The following USP12 variants were observed in gnomAD, a reference collection of about 807,000 sequenced individuals.
USP12 encodes the protein ubiquitin specific peptidase 12.
USP12 carries 19 observed loss-of-function variants against 45.5 expected under a neutral mutation model. The observed-to-expected ratio is 0.42, with a 90% CI of 0.29 to 0.61. The LOEUF (loss-of-function observed/expected upper bound fraction) is 0.61, where lower values mean the gene tolerates loss of function less well. USP12 is among the 20% of genes least tolerant of loss of function. The probability of loss-of-function intolerance (pLI) is 0.22; values close to 1 mark genes in which losing one functional copy is unlikely to be tolerated. For missense variants in USP12, 242 were observed against 447.7 expected, an observed-to-expected ratio of 0.54 and a Z score of 4.15; for synonymous variants, 149 against 148.8, an observed-to-expected ratio of 1.00 and a Z score of -0.01.
intron 1 of USP12, among the ~76,000 whole-genome samples, chr13:27,124,389 C>T (rs1876132140): frequency 6.6e-6 from 1 of 152,162 alleles, no homozygotes; most frequent in Non-Finnish European, 1.5e-5. Context: ...GAGAACAATA[C>T]ACCTTACCAA....
Position 27,129,687 on chromosome 13 carries a change from TTAA to T in USP12, c.49-13094_49-13092del, listed in dbSNP as rs920656340. Among the ~76,000 whole-genome samples the T allele has an allele frequency of 5.9e-5, 9 of 152,142 alleles. No homozygotes were observed. Among genetic ancestry groups the T allele is most frequent in the African/African-American group, 1.7e-4 (7 of 41,418 alleles). On this transcript the variant is annotated intron_variant, in intron 1 of 8. Coordinates refer to ENST00000282344, the MANE Select transcript of USP12 (RefSeq NM_182488.4). The surrounding 1 kb of genome is among the most constrained non-coding windows in gnomAD (Gnocchi z 4.0). Reference sequence around the variant, plus strand: ...GGGCGACAGAGTGAGACCCTATCTCTTAATAATAATAATAGCAAATAAAAATAA... The same window carrying T: ...GGGCGACAGAGTGAGACCCTATCTCTTAATAATAATAGCAAATAAAAATAA...
At chr13:27,081,009 A>ATTTTTTTTTTTTTTTTTTTTTTTTTTTTT (rs372527345) in intron 6 of USP12, among the ~76,000 whole-genome samples, 1 of 114,622 alleles carries the variant, frequency 8.7e-6, no homozygotes. Flanking sequence ...GGCTGAGGCA[A>ATTTTTTTTTTTTTTTTTTTTTTTTTTTTT]TTTTTTTTTT....
chr13:27,116,081 G>A (rs1025354859), intron 2 of USP12, among the ~76,000 whole-genome samples: 9 of 152,086 alleles, frequency 5.9e-5, no homozygotes, highest in African/African-American at 2.2e-4. Context: ...AGGAGGCTGA[G>A]GTTGGCGGAT....
At chr13:27,138,719 T>G (rs1026724451) in intron 1 of USP12, among the ~76,000 whole-genome samples, 2 of 152,228 alleles carry the variant, frequency 1.3e-5, no homozygotes, top group African/African-American at 4.8e-5. Context: ...ACAATTTTTT[T>G]CGTATTTTCA....
At chr13:27,079,507 G>A (rs1873651034) in intron 6 of USP12, among the ~76,000 whole-genome samples, 1 of 152,124 alleles carries the variant, frequency 6.6e-6, no homozygotes, top group African/African-American at 2.4e-5. Context: ...AGGACTAGGG[G>A]AGGAGCTGGA....
rs148377693 is a variant in USP12, at chr13:27,104,050, T to C, written c.343+1681A>G. ...TGCATACTTCTGAACTCTTTTTTTT[T>C]AGAGACAGGGTCTTGCTCTGTTACC... On this transcript the variant is annotated intron_variant, in intron 3 of 8. Coordinates refer to ENST00000282344, the MANE Select transcript of USP12 (RefSeq NM_182488.4). 3.1e-4 allele frequency among the ~76,000 whole-genome samples: 47 copies of C among 152,264 alleles called. No homozygotes were observed. The East Asian group carries it at 7.5e-3, about 24-fold the overall frequency.
At chr13:27,154,856 C>A (rs376836513) in intron 1 of USP12, among the ~76,000 whole-genome samples, 1 of 151,966 alleles carries the variant, frequency 6.6e-6, no homozygotes, top group Non-Finnish European at 1.5e-5. Flanking sequence ...AGGACAGTCG[C>A]CGTCCGAGGG....
chr13:27,121,531 A>G (rs968587524), intron 1 of USP12, among the ~76,000 whole-genome samples: 1 of 152,140 alleles, frequency 6.6e-6, no homozygotes, highest in Non-Finnish European at 1.5e-5. Context: ...CATGAATAAG[A>G]GCCCCATGAA....
chr13:27,074,686 G>A (rs1593170070), intron 7 of USP12, among the ~76,000 whole-genome samples: 1 of 152,182 alleles, frequency 6.6e-6, no homozygotes, highest in African/African-American at 2.4e-5. Context: ...ATACAGAGAA[G>A]ATGTGTATAC....
At chr13:27,110,127 T>TAAA (rs1555234986) in intron 2 of USP12, among the ~76,000 whole-genome samples, 5 of 119,620 alleles carry the variant, frequency 4.2e-5, no homozygotes, top group Non-Finnish European at 5.0e-5. Context: ...CTTTTCCAGG[T>TAAA]AAAAAAAAAA....
At chr13:27,092,337 C>A (rs1874356232) in intron 4 of USP12, among the ~76,000 whole-genome samples, 1 of 152,278 alleles carries the variant, frequency 6.6e-6, no homozygotes, top group South Asian at 2.1e-4. Flanking sequence ...AAAATCCCAG[C>A]AAGTTATTTT....
chr13:27,152,334 A>G (rs1355985344), intron 1 of USP12, among the ~76,000 whole-genome samples: 1 of 152,228 alleles, frequency 6.6e-6, no homozygotes. Flanking sequence ...TTACAACATA[A>G]ATGAACCTTG....
At chr13:27,170,500 A>C (rs923215481) in intron 1 of USP12, among the ~76,000 whole-genome samples, 8 of 152,224 alleles carry the variant, frequency 5.3e-5, no homozygotes, top group African/African-American at 9.6e-5. Flanking sequence ...TTTTTCGGTG[A>C]TGACTCATAA....
At position 27,072,103 on chromosome 13, in the gene USP12, C is replaced by CTT. The variant is rs112073097; in HGVS notation, c.933-956_933-955dup. Among the ~76,000 whole-genome samples the CTT allele has an allele frequency of 7.2e-3, 1,058 of 146,688 alleles. 15 individuals carry two copies. The highest frequency in any genetic ancestry group is 0.025 in the African/African-American group (1,002 of 40,148). On this transcript the variant is annotated intron_variant, in intron 7 of 8. Transcript: ENST00000282344. ...TGACAGAATGACACCAACAAAAATA[C>CTT]TTTTTTTTTTTTAACTATGGAGGAT...
intron 4 of USP12, among the ~76,000 whole-genome samples, chr13:27,090,545 TA>T (rs946978403): frequency 4.7e-5 from 7 of 150,070 alleles, no homozygotes; most frequent in African/African-American, 9.7e-5. Flanking sequence ...GTATTGTCAT[TA>T]AAAAAAAAAT....
intron 1 of USP12, among the ~76,000 whole-genome samples, chr13:27,140,187 A>C (rs1386290698): frequency 1.3e-5 from 2 of 152,206 alleles, no homozygotes; most frequent in East Asian, 3.8e-4. Flanking sequence ...AAAAGACATA[A>C]AACTCATGCA....
intron 1 of USP12, among the ~76,000 whole-genome samples, chr13:27,136,650 C>T (rs1876818151): frequency 6.6e-6 from 1 of 152,164 alleles, no homozygotes; most frequent in Admixed American, 6.5e-5. Flanking sequence ...TTTCTGACTT[C>T]TAAGTGTATA....
At chr13:27,097,560 G>A (rs948975499) in intron 3 of USP12, among the ~76,000 whole-genome samples, 14 of 152,154 alleles carry the variant, frequency 9.2e-5, no homozygotes, top group African/African-American at 3.1e-4. Context: ...GGGGGTAGGA[G>A]GGCACAGCTG....
intron 1 of USP12, among the ~76,000 whole-genome samples, chr13:27,138,715 T>G (rs925884842): frequency 1.3e-5 from 2 of 152,320 alleles, no homozygotes; most frequent in South Asian, 4.1e-4. Flanking sequence ...ACCTACAATT[T>G]TTTTCGTATT....
Sources: allele counts gnomAD v4.1 joint callset (sites outside exome capture counted in the v4.1 genomes callset), GRCh38; gene constraint gnomAD v4.1.1; non-coding constraint Gnocchi (gnomAD v3.1); transcripts MANE v1.5; gene names NCBI Gene and HGNC (gene_info 2026-07-23, HGNC 2026-07-21).